PKD1L1: variants seen among roughly 807,000 people sequenced by gnomAD.
PKD1L1 encodes the protein polycystin 1 like 1, transient receptor potential channel interacting, also known as polycystin-1-like protein 1.
In PKD1L1, 236 loss-of-function variants were observed where a neutral mutation model predicts 323.4. The ratio of observed to expected loss-of-function variants is 0.73; its 90% CI spans 0.66 to 0.81. PKD1L1 has a LOEUF of 0.81. Among genes scored for constraint, PKD1L1 ranks in the 40% least tolerant of loss-of-function variants. The probability of loss-of-function intolerance (pLI) is 0.00; values close to 1 mark genes in which losing one functional copy is unlikely to be tolerated. For synonymous variants in PKD1L1, 1,344 were observed against 1,335.0 expected, an observed-to-expected ratio of 1.01 and a Z score of -0.15; for missense variants, 3,320 against 3,508.0, an observed-to-expected ratio of 0.95 and a Z score of 1.35.
At chr7:47,891,024 C>G (rs1786804814) in intron 15 of PKD1L1, among the ~76,000 whole-genome samples, 1 of 152,204 alleles carries the variant, frequency 6.6e-6, no homozygotes, top group African/African-American at 2.4e-5. Context: ...CCAGCCCCAC[C>G]AGGCTTCCTA....
At chr7:47,858,484 T>C (rs1471041799) in intron 27 of PKD1L1, among the ~76,000 whole-genome samples, 189 bp downstream of exon 27, 2 of 152,200 alleles carry the variant, frequency 1.3e-5, no homozygotes, top group Non-Finnish European at 2.9e-5. Flanking sequence ...GGAAACATTA[T>C]AATATTACCA....
At chr7:47,907,319 A>G (rs1787226649) in intron 9 of PKD1L1, among the ~76,000 whole-genome samples, 2 of 152,088 alleles carry the variant, frequency 1.3e-5, no homozygotes, top group Admixed American at 6.5e-5. Flanking sequence ...CATCCCACCC[A>G]TGTAGGCTGG....
intron 45 of PKD1L1, among the ~76,000 whole-genome samples, chr7:47,826,086 G>A (rs1785235582): frequency 6.6e-6 from 1 of 152,066 alleles, no homozygotes; most frequent in African/African-American, 2.4e-5. Context: ...ACTTGACTCT[G>A]CAAACTCCTC....
chr7:47,780,699 C>A (rs1786672832), intron 56 of PKD1L1, among the ~76,000 whole-genome samples: 1 of 152,184 alleles, frequency 6.6e-6, no homozygotes, highest in East Asian at 1.9e-4. Context: ...TGCACTCACT[C>A]AGCATAATTC....
intron 28 of PKD1L1, among the ~76,000 whole-genome samples, chr7:47,857,128 A>G (rs183194372): frequency 4.6e-5 from 7 of 152,376 alleles, no homozygotes; most frequent in Non-Finnish European, 1.0e-4. Flanking sequence ...TCAGCCCAGC[A>G]GTGCCTCTCT....
chr7:47,954,258 T>C, the PKD1L1 span, among the ~76,000 whole-genome samples: 1 of 152,176 alleles, frequency 6.6e-6, no homozygotes, highest in Non-Finnish European at 1.5e-5. Flanking sequence ...GTATTTTCAC[T>C]GAGAAAAAAG....
At chr7:47,889,842 GGA>G (rs1386634129) in intron 16 of PKD1L1, among the ~76,000 whole-genome samples, 3 of 152,204 alleles carry the variant, frequency 2.0e-5, no homozygotes. Flanking sequence ...AGCCCCGATG[GGA>G]GAGTGTCCAA....
At chr7:47,793,842 C>T (rs1787010614) in intron 55 of PKD1L1, among the ~76,000 whole-genome samples, 1 of 152,144 alleles carries the variant, frequency 6.6e-6, no homozygotes, top group African/African-American at 2.4e-5. Context: ...AAAGTCCAGG[C>T]TGAGGTGGTC....
chr7:47,884,381 T>C (rs1348808719), intron 19 of PKD1L1, among the ~76,000 whole-genome samples: 3 of 152,038 alleles, frequency 2.0e-5, no homozygotes, highest in African/African-American at 7.2e-5. Context: ...GGGGCTACTG[T>C]TGGGATTTTG....
chr7:47,808,450 T>C, intron 51 of PKD1L1, 63 bp from the exon 52 acceptor site: 2 of 1,591,740 alleles, frequency 1.3e-6, no homozygotes, highest in Admixed American at 1.7e-5. Flanking sequence ...TGGCACCCCA[T>C]GTGACACGCG....
intron 7 of PKD1L1, among the ~76,000 whole-genome samples, chr7:47,915,835 AT>A (rs778957127): frequency 1.3e-5 from 2 of 152,096 alleles, no homozygotes; most frequent in Non-Finnish European, 2.9e-5. Flanking sequence ...ATGCAAAAAA[AT>A]GTTAAAACCT....
chr7:47,904,983 A>G (rs1395210821), intron 11 of PKD1L1, among the ~76,000 whole-genome samples, 174 bp downstream of exon 11: 1 of 152,178 alleles, frequency 6.6e-6, no homozygotes, highest in East Asian at 1.9e-4. Flanking sequence ...AGAGAAATGA[A>G]CGAAATCTTC....
At chr7:47,920,423 C>T (rs982609830) in intron 7 of PKD1L1, among the ~76,000 whole-genome samples, 5 of 152,022 alleles carry the variant, frequency 3.3e-5, no homozygotes, top group Admixed American at 3.3e-4. Context: ...ACATCCCATG[C>T]TCATGGATGA....
Position 47,929,361 on chromosome 7 carries a change from T to G in PKD1L1, c.903A>C (p.Glu301Asp), listed in dbSNP as rs1787718216. 6.2e-7 allele frequency: 1 copy of G among 1,614,084 alleles called. No homozygotes were observed. ...NPVLNCSLEVEARAPPNLGFR... is the reference protein window; with the variant it reads ...NPVLNCSLEVDARAPPNLGFR... ...ATCCCAGATTTGGAGGTGCCCGAGC[T>G]TCCACTTCCAGGGAGCAATTAAGAA... Residue 301 changes from glutamate (E) to aspartate (D), a missense_variant, in exon 7 of 57, where the codon GAA becomes GAC. Coordinates refer to ENST00000289672, the MANE Select transcript of PKD1L1 (RefSeq NM_138295.5).
chr7:47,947,779 A>G (rs569353803), intron 1 of PKD1L1, among the ~76,000 whole-genome samples: 1 of 152,314 alleles, frequency 6.6e-6, no homozygotes, highest in East Asian at 1.9e-4. Context: ...CATCCTGGCT[A>G]ACACAGTGAA....
At chr7:47,825,171 C>T (rs1335080863) in intron 45 of PKD1L1, among the ~76,000 whole-genome samples, 1 of 152,106 alleles carries the variant, frequency 6.6e-6, no homozygotes, top group Non-Finnish European at 1.5e-5. Context: ...GCCATTTGAA[C>T]TTCTTTTATT....
chr7:47,934,243 C>T (rs1787825699), intron 4 of PKD1L1, among the ~76,000 whole-genome samples: 1 of 152,192 alleles, frequency 6.6e-6, no homozygotes, highest in Admixed American at 6.5e-5. Context: ...TAGCTCATGG[C>T]TTTTGTGATT....
chr7:47,901,327 C>CAAAA (rs71699736), intron 13 of PKD1L1, among the ~76,000 whole-genome samples: 87 of 62,488 alleles, frequency 1.4e-3, no homozygotes, highest in South Asian at 2.4e-3. Context: ...AACAGAGTCT[C>CAAAA]AAAAAAAAAA....
chr7:47,893,957 A>G lies in PKD1L1; in HGVS notation c.2374T>C (p.Phe792Leu). Reference sequence around the variant, plus strand: ...ATGGGGGATGAGGTGGTCCTGGAGAAGAATAGGTGTGTGCCCTCGGAGATC... The same window carrying G: ...ATGGGGGATGAGGTGGTCCTGGAGAGGAATAGGTGTGTGCCCTCGGAGATC... Reference protein sequence around the residue: ...SVISEGTHLFFSRTTSSPIVL... With the variant: ...SVISEGTHLFLSRTTSSPIVL... The change falls in exon 15 of 57, where the codon TTC becomes CTC. Residue 792 changes from phenylalanine (F) to leucine (L), a missense_variant. Coordinates refer to ENST00000289672, the MANE Select transcript of PKD1L1 (RefSeq NM_138295.5). 1 of 1,613,974 alleles carries G rather than the reference A, an allele frequency of 6.2e-7. No individual in the cohort carries two copies. The highest frequency in any genetic ancestry group is 1.1e-5 in the South Asian group (1 of 91,056).
Sources: allele counts gnomAD v4.1 joint callset (sites outside exome capture counted in the v4.1 genomes callset), GRCh38; gene constraint gnomAD v4.1.1; transcripts MANE v1.5; gene names NCBI Gene and HGNC (gene_info 2026-07-23, HGNC 2026-07-21).